The following SERPINB3 variants were observed in gnomAD, a reference collection of about 807,000 sequenced individuals.
SERPINB3 encodes the protein serpin family B member 3.
A neutral mutation model predicts 33.0 loss-of-function variants in SERPINB3; 33 were observed. The observed-to-expected ratio is 1.00, with a 90% CI of 0.76 to 1.34. The LOEUF is 1.34. Ranked by LOEUF, SERPINB3 falls within the 40% of genes most tolerant of loss-of-function variation. SERPINB3 has a pLI of 0.00. For missense variants in SERPINB3, 518 were observed against 461.5 expected, an observed-to-expected ratio of 1.12 and a Z score of -1.12; for synonymous variants, 200 against 170.9, an observed-to-expected ratio of 1.17 and a Z score of -1.33.
At chr18:63,657,014 T>A in intron 6 of SERPINB3, 28 bp from the exon 7 acceptor site, 1 of 1,569,064 alleles carries the variant, frequency 6.4e-7, no homozygotes, top group Non-Finnish European at 8.7e-7. Flanking sequence ...GTCCAACAAA[T>A]ACCAAGTGAG....
chr18:63,656,757 T>C, intron 7 of SERPINB3, 74 bp downstream of exon 7: 19 of 1,491,026 alleles, frequency 1.3e-5, no homozygotes, highest in Non-Finnish European at 1.7e-5. Context: ...CACCAGCTTT[T>C]ACCTTGTTTA....
At position 63,661,261 on chromosome 18, in the gene SERPINB3, CCT is replaced by C. The variant is rs1647081550; in HGVS notation, c.-26-21_-26-20del. Reference sequence around the variant, plus strand: ...GGAACTCCTGGAAAAGCATCAGATTCCTGTCAGAATGACTTTAATAAATGGAA... The same window carrying C: ...GGAACTCCTGGAAAAGCATCAGATTCGTCAGAATGACTTTAATAAATGGAA... On this transcript the variant is annotated intron_variant, in intron 1 of 7. Coordinates refer to ENST00000283752, the MANE Select transcript of SERPINB3 (RefSeq NM_006919.3). The C allele has an allele frequency of 6.3e-7, 1 of 1,588,060 alleles. No homozygotes were observed. The highest frequency in any genetic ancestry group is 8.6e-7 in the Non-Finnish European group (1 of 1,165,736).
In SERPINB3 at chr18:63,661,237, G is replaced by A. The variant is rs777612933; in HGVS notation, c.-21C>T. Reference sequence around the variant, plus strand: ...TTCATGGTGAACTCGATGTGATCTGGAACTCCTGGAAAAGCATCAGATTCC... The same window carrying A: ...TTCATGGTGAACTCGATGTGATCTGAAACTCCTGGAAAAGCATCAGATTCC... On this transcript the variant is annotated 5_prime_UTR_variant, in exon 2 of 8. Coordinates refer to ENST00000283752, the MANE Select transcript of SERPINB3 (RefSeq NM_006919.3). 14 of 1,607,274 alleles carry A rather than the reference G, an allele frequency of 8.7e-6. No homozygotes were observed. Among genetic ancestry groups the A allele is most frequent in the Non-Finnish European group, 1.1e-5 (13 of 1,176,994 alleles).
rs143227753 is a variant in SERPINB3, at chr18:63,655,610, C to G, written c.*47G>C. 2.7e-4 allele frequency: 418 copies of G among 1,539,860 alleles called. 1 individual carries two copies. The African/African-American group carries it at 5.1e-3, about 19-fold the overall frequency. On this transcript the variant is annotated 3_prime_UTR_variant, in exon 8 of 8. Coordinates refer to ENST00000283752, the MANE Select transcript of SERPINB3 (RefSeq NM_006919.3). ...GTTGCCAGCAATCAGTTTACCAGAACATCTGCAGGTGAACATTTTCCAAAT... is the reference window on the plus strand; with the variant it reads ...GTTGCCAGCAATCAGTTTACCAGAAGATCTGCAGGTGAACATTTTCCAAAT...
chr18:63,661,063 G>C lies in SERPINB3; in HGVS notation c.154C>G (p.Gln52Glu), dbSNP rs767400496. Reference sequence around the variant, plus strand: ...ATGCTGATAGCTACCTTCTTAATCTGTTGTGCAGTGTTGTCTTTGGCTCCT... The same window carrying C: ...ATGCTGATAGCTACCTTCTTAATCTCTTGTGCAGTGTTGTCTTTGGCTCCT... ...LLGAKDNTAQ[Q>E]IKKVLHFDQV... The change falls in exon 2 of 8, where the codon CAG becomes GAG. Residue 52 changes from glutamine (Q) to glutamate (E), a missense_variant. Physicochemically the swap from Gln to Glu is conservative, Grantham distance 29 (BLOSUM62 2). Coordinates refer to ENST00000283752, the MANE Select transcript of SERPINB3 (RefSeq NM_006919.3). 6.2e-7 allele frequency: 1 copy of C among 1,613,540 alleles called. No homozygotes were observed. Among genetic ancestry groups the C allele is most frequent in the South Asian group, 1.1e-5 (1 of 91,060 alleles).
rs771031934 is a variant in SERPINB3, at chr18:63,656,074, A to G, written c.769-13T>C. ...GTTTCTCTTCAAGCTATACAAATGGAAAAAAGAAACTGATATGACTAACTG... is the reference window on the plus strand; with the variant it reads ...GTTTCTCTTCAAGCTATACAAATGGGAAAAAGAAACTGATATGACTAACTG... On this transcript the variant is annotated splice_polypyrimidine_tract_variant and intron_variant, in intron 7 of 7. Coordinates refer to ENST00000283752, the MANE Select transcript of SERPINB3 (RefSeq NM_006919.3). 6.2e-7 allele frequency: 1 copy of G among 1,608,562 alleles called. No homozygotes were observed. Among genetic ancestry groups the G allele is most frequent in the Non-Finnish European group, 8.5e-7 (1 of 1,176,670 alleles).
Position 63,656,933 on chromosome 18 carries a change from G to A in SERPINB3, c.666C>T (p.Ala222=), listed in dbSNP as rs141652634. 1.9e-6 allele frequency: 3 copies of A among 1,613,186 alleles called. No individual in the cohort carries two copies. The highest frequency in any genetic ancestry group is 2.2e-5 in the East Asian group (1 of 44,828). ...MMRQYTSFHF[A]SLEDVQAKVL... is the part of the protein sequence containing the mutation. ...CCTTGGCCTGTACATCCTCCAGCGA[G>A]GCAAAATGAAAAGATGTGTATTGCC... is the stretch of plus-strand genomic sequence containing the variant. The change falls in exon 7 of 8, where the codon GCC becomes GCT. Residue 222 remains alanine (A), a synonymous_variant. Coordinates refer to ENST00000283752, the MANE Select transcript of SERPINB3 (RefSeq NM_006919.3).
chr18:63,661,581 A>T (rs1396849468), intron 1 of SERPINB3, among the ~76,000 whole-genome samples: 19 of 152,046 alleles, frequency 1.2e-4, no homozygotes, highest in Admixed American at 1.1e-3. Context: ...ACCAGCTGTT[A>T]AGATGCGTCC....
intron 4 of SERPINB3, among the ~76,000 whole-genome samples, chr18:63,659,017 A>T (rs1263663946): frequency 6.6e-6 from 1 of 152,202 alleles, no homozygotes; most frequent in South Asian, 2.1e-4. Context: ...GTACTTCCTC[A>T]ACTATTCTCA....
chr18:63,661,276 T>C, intron 1 of SERPINB3, 34 bp from the exon 2 acceptor site: 1 of 1,559,190 alleles, frequency 6.4e-7, no homozygotes, highest in Non-Finnish European at 8.7e-7. Context: ...CAGAATGACT[T>C]TAATAAATGG....
At chr18:63,656,104 T>C in intron 7 of SERPINB3, 43 bp from the exon 8 acceptor site, 4 of 1,588,654 alleles carry the variant, frequency 2.5e-6, no homozygotes, top group Non-Finnish European at 3.4e-6. Context: ...TAACTGTTGA[T>C]TTCTAATACA....
intron 5 of SERPINB3, among the ~76,000 whole-genome samples, chr18:63,657,868 C>T (rs567818492): frequency 9.3e-5 from 14 of 151,028 alleles, no homozygotes; most frequent in Admixed American, 5.3e-4. Context: ...TAATATGAAA[C>T]GCATGTCCTG....
At chr18:63,656,249 T>G (rs1185432143) in intron 7 of SERPINB3, among the ~76,000 whole-genome samples, 188 bp from the exon 8 acceptor site, 1 of 151,014 alleles carries the variant, frequency 6.6e-6, no homozygotes, top group Non-Finnish European at 1.5e-5. Context: ...CATTGGGTTA[T>G]ATGTGTATGT....
chr18:63,656,137 T>C (rs1303617661), intron 7 of SERPINB3, 76 bp from the exon 8 acceptor site: 2 of 1,501,706 alleles, frequency 1.3e-6, no homozygotes, highest in African/African-American at 2.8e-5. Context: ...ATTGACTATG[T>C]GGAGAATCCT....
At chr18:63,660,622 C>G (rs144855109) in intron 3 of SERPINB3, 178 bp downstream of exon 3, 2 of 736,648 alleles carry the variant, frequency 2.7e-6, no homozygotes, top group Admixed American at 2.5e-5. Context: ...CTTTCAGTAA[C>G]GAAGAAAGGA....
intron 3 of SERPINB3, 125 bp downstream of exon 3, chr18:63,660,675 T>C: frequency 8.5e-7 from 1 of 1,173,044 alleles, no homozygotes. Flanking sequence ...CCACTCTGTA[T>C]GTCTCAATCT....
At chr18:63,660,695 A>G (rs966249672) in intron 3 of SERPINB3, 105 bp downstream of exon 3, 4 of 1,444,210 alleles carry the variant, frequency 2.8e-6, no homozygotes, top group African/African-American at 2.8e-5. Flanking sequence ...TTTGTGTCCA[A>G]GATTTTCCCT....
intron 1 of SERPINB3, among the ~76,000 whole-genome samples, chr18:63,661,527 C>T (rs1340662508): frequency 2.0e-5 from 3 of 152,058 alleles, no homozygotes; most frequent in Non-Finnish European, 2.9e-5. Flanking sequence ...GGTAGGAAGG[C>T]TTTACAATGA....
At position 63,657,480 on chromosome 18, in the gene SERPINB3, A is replaced by T. The variant is rs939308552; in HGVS notation, c.470-68T>A. 1.0e-5 allele frequency: 14 copies of T among 1,354,512 alleles called. No individual in the cohort carries two copies. The African/African-American group carries it at 1.6e-4, about 16-fold the overall frequency. 83.9% of individuals were successfully genotyped at this position (1,354,512 alleles called of 1,614,324 possible). A position where few individuals can be genotyped will look rare whatever the true frequency, so the allele number is the denominator to read the frequency against. ...ATGGCTTGTCTGGAAGATGCTTTGCAAATGTTCGTGACTGATCGTTAATTA... is the reference window on the plus strand; with the variant it reads ...ATGGCTTGTCTGGAAGATGCTTTGCTAATGTTCGTGACTGATCGTTAATTA... On this transcript the variant is annotated intron_variant, in intron 5 of 7. Transcript: ENST00000283752.
Sources: allele counts gnomAD v4.1 joint callset (sites outside exome capture counted in the v4.1 genomes callset), GRCh38; gene constraint gnomAD v4.1.1; transcripts MANE v1.5; gene names NCBI Gene and HGNC (gene_info 2026-07-23, HGNC 2026-07-21).